The following TEX11 variants were observed in gnomAD, a reference collection of about 807,000 sequenced individuals.
The protein encoded by TEX11 is testis expressed 11.
A neutral mutation model predicts 84.4 loss-of-function variants in TEX11; 7 were observed. The observed-to-expected ratio is 0.08, with a 90% CI of 0.05 to 0.16. TEX11 has a LOEUF of 0.16. Ranked by LOEUF, TEX11 falls within the 10% of genes least tolerant of loss-of-function variation. The pLI, the probability that TEX11 is intolerant of heterozygous loss-of-function variation, is 1.00. For synonymous variants in TEX11, 264 were observed against 222.8 expected (o/e 1.18, Z -1.64); for missense variants, 551 against 660.5 (o/e 0.83, Z 1.82).
intron 9 of TEX11, among the ~76,000 whole-genome samples, chrX:70,778,502 T>G (rs2091015652): frequency 9.0e-6 from 1 of 111,207 alleles, no homozygotes; most frequent in Admixed American, 9.6e-5. Flanking sequence ...TTACCCAAGC[T>G]GGAGTACACT....
chrX:70,712,056 C>T (rs2090440716), intron 13 of TEX11, among the ~76,000 whole-genome samples: 1 of 111,220 alleles, frequency 9.0e-6, no homozygotes, highest in Non-Finnish European at 1.9e-5. Context: ...AATCCTTTCC[C>T]CATTTCTTGT....
Position 70,782,745 on chromosome X carries a change from TA to T in TEX11, c.692+23959del, listed in dbSNP as rs1479032987. Among the ~76,000 whole-genome samples, 4 of 103,383 alleles carry T rather than the reference TA, an allele frequency of 3.9e-5. No individual in the cohort carries two copies. In the East Asian group the frequency reaches 1.3e-3, roughly 32 times the overall value. The allele number at this position is 103,383 out of a possible 115,157, so 89.8% of individuals were successfully genotyped here. ...AAAAAAGACAAAGAAGGCCATTACA[TA>T]ATGGTAAAAGGATCAATAAAACAAG... On this transcript the variant is annotated intron_variant, in intron 9 of 29. Coordinates refer to ENST00000374333, the MANE Select transcript of TEX11 (RefSeq NM_031276.3).
intron 9 of TEX11, among the ~76,000 whole-genome samples, chrX:70,785,835 T>C (rs1291053109): frequency 9.0e-6 from 1 of 111,464 alleles, no homozygotes; most frequent in African/African-American, 3.3e-5. Flanking sequence ...GCTGGTAAGG[T>C]TGTGGAAAAA....
intron 16 of TEX11, among the ~76,000 whole-genome samples, chrX:70,667,745 G>A (rs900623350): frequency 9.0e-5 from 10 of 110,904 alleles, no homozygotes; most frequent in African/African-American, 2.3e-4. Flanking sequence ...GGCCAAAAAG[G>A]TGAAACCCTG....
chrX:70,635,861 G>T (rs2089565808), intron 17 of TEX11, among the ~76,000 whole-genome samples: 1 of 111,388 alleles, frequency 9.0e-6, no homozygotes, highest in South Asian at 3.8e-4. Flanking sequence ...CTACAGGCCT[G>T]CCCCAATACC....
chrX:70,514,271 G>T, the TEX11 span, among the ~76,000 whole-genome samples: 1 of 109,024 alleles, frequency 9.2e-6, no homozygotes, highest in African/African-American at 3.4e-5. Flanking sequence ...CAAAGGTGGG[G>T]ATATAGCCCT....
intron 11 of TEX11, among the ~76,000 whole-genome samples, chrX:70,739,688 G>T (rs950792462): frequency 8.9e-6 from 1 of 111,791 alleles, no homozygotes; most frequent in African/African-American, 3.2e-5. Context: ...GGGATTACAG[G>T]CATGAGCCAC....
At chrX:70,656,842 A>C (rs747887369) in intron 16 of TEX11, among the ~76,000 whole-genome samples, 1 of 112,171 alleles carries the variant, frequency 8.9e-6, no homozygotes, top group African/African-American at 3.2e-5. Context: ...CAAGGACCTC[A>C]TATCAAAGAT....
chrX:70,688,536 A>G (rs1001142726), intron 13 of TEX11, among the ~76,000 whole-genome samples: 1 of 110,705 alleles, frequency 9.0e-6, no homozygotes, highest in Admixed American at 9.8e-5. Flanking sequence ...CATTGCAGAA[A>G]TGGCACAAAA....
intron 8 of TEX11, among the ~76,000 whole-genome samples, chrX:70,811,163 G>C (rs756135040): frequency 9.1e-6 from 1 of 109,784 alleles, no homozygotes; most frequent in Non-Finnish European, 1.9e-5. Flanking sequence ...CTCCTAATGC[G>C]ATCCCTCCCC....
chrX:70,748,849 TAG>T (rs1460325645), intron 9 of TEX11, among the ~76,000 whole-genome samples: 1 of 96,732 alleles, frequency 1.0e-5, no homozygotes, highest in Non-Finnish European at 2.0e-5. Context: ...TGAAGTCAGG[TAG>T]TGTGATGCCT....
At chrX:70,731,010 C>A (rs960228977) in intron 11 of TEX11, among the ~76,000 whole-genome samples, 1 of 111,758 alleles carries the variant, frequency 8.9e-6, no homozygotes, top group African/African-American at 3.3e-5. Context: ...CACTCAAAAC[C>A]GCTCAACTAC....
intron 24 of TEX11, among the ~76,000 whole-genome samples, chrX:70,598,471 CAT>C (rs1038362914): frequency 5.4e-5 from 6 of 111,620 alleles, no homozygotes; most frequent in Non-Finnish European, 9.4e-5. Context: ...AATGATGAAA[CAT>C]AGAGTTACTG....
intron 2 of TEX11, among the ~76,000 whole-genome samples, chrX:70,905,677 A>C (rs2091825413): frequency 9.0e-6 from 1 of 110,914 alleles, no homozygotes; most frequent in Non-Finnish European, 1.9e-5. Context: ...TGAATGAATA[A>C]ATTGTGGTAC....
intron 25 of TEX11, among the ~76,000 whole-genome samples, chrX:70,567,944 A>G (rs1160630378): frequency 9.0e-6 from 1 of 111,302 alleles, no homozygotes; most frequent in Admixed American, 9.6e-5. Flanking sequence ...AGCTGAGTTC[A>G]ATTCCTGGGT....
chrX:70,513,990 G>C, the TEX11 span, among the ~76,000 whole-genome samples: 3 of 108,698 alleles, frequency 2.8e-5, no homozygotes, highest in Non-Finnish European at 5.7e-5. Context: ...CAGCTGTCTT[G>C]GTATAAATAC....
chrX:70,800,788 G>T (rs759699424), intron 9 of TEX11, among the ~76,000 whole-genome samples: 2 of 105,373 alleles, frequency 1.9e-5, no homozygotes, highest in Non-Finnish European at 3.9e-5. Flanking sequence ...GACCTCCTGG[G>T]TTCAAGTGAT....
At chrX:70,727,726 T>A (rs750528438) in intron 11 of TEX11, among the ~76,000 whole-genome samples, 24 of 111,104 alleles carry the variant, frequency 2.2e-4, no homozygotes, top group Non-Finnish European at 4.2e-4. Context: ...AGTGCCCTTA[T>A]AAGAAAAGAC....
intron 28 of TEX11, among the ~76,000 whole-genome samples, chrX:70,532,898 C>T (rs189927951): frequency 0.08 from 8,393 of 104,806 alleles, 409 homozygotes; most frequent in Admixed American, 0.25. Flanking sequence ...ATTAGCCGGG[C>T]GTGGTGGCAG....
Sources: gnomAD v4.1 joint callset for allele counts (sites outside exome capture counted in the v4.1 genomes callset) on GRCh38, gnomAD v4.1.1 for gene constraint, MANE v1.5 for transcripts, NCBI Gene and HGNC (gene_info 2026-07-23, HGNC 2026-07-21) for gene names.